The following KCNQ3 variants were observed in gnomAD, a reference collection of about 807,000 sequenced individuals.
KCNQ3 encodes potassium voltage-gated channel subfamily Q member 3.
KCNQ3 carries 30 observed loss-of-function variants against 92.5 expected under a neutral mutation model. The ratio of observed to expected loss-of-function variants is 0.32; its 90% confidence interval spans 0.24 to 0.44. KCNQ3 has a LOEUF of 0.44. KCNQ3 is among the 20% of genes least tolerant of loss of function. The pLI, the probability that KCNQ3 is intolerant of heterozygous loss-of-function variation, is 1.00. For synonymous variants in KCNQ3, 450 were observed against 468.8 expected (o/e 0.96, Z 0.52); for missense variants, 913 against 1,140.3 (o/e 0.80, Z 2.87).
chr8:132,280,794 G>A (rs778316256), intron 1 of KCNQ3, among the ~76,000 whole-genome samples: 16 of 152,180 alleles, frequency 1.1e-4, no homozygotes, highest in Non-Finnish European at 1.6e-4. Flanking sequence ...GTTCAAGGAC[G>A]AATGTGATTT....
At chr8:132,139,709 GA>G (rs1825221911) in intron 11 of KCNQ3, among the ~76,000 whole-genome samples, 1 of 152,144 alleles carries the variant, frequency 6.6e-6, no homozygotes, top group Non-Finnish European at 1.5e-5. Flanking sequence ...TTAGGCAGAA[GA>G]AAAACCATTT....
chr8:132,335,791 T>G (rs558382476), intron 1 of KCNQ3, among the ~76,000 whole-genome samples: 288 of 152,288 alleles, frequency 1.9e-3, no homozygotes, highest in East Asian at 0.019. Flanking sequence ...AGAAGCAAAG[T>G]TGGGGAAAAG....
intron 1 of KCNQ3, among the ~76,000 whole-genome samples, chr8:132,328,670 G>A (rs895069219): frequency 2.0e-5 from 3 of 152,128 alleles, no homozygotes; most frequent in Admixed American, 2.0e-4. Flanking sequence ...ACAGTGCCTA[G>A]TACAGAGTAA....
intron 1 of KCNQ3, among the ~76,000 whole-genome samples, chr8:132,225,355 C>T (rs554491819): frequency 1.3e-5 from 2 of 152,220 alleles, no homozygotes; most frequent in East Asian, 1.9e-4. Context: ...TCACTGGAAT[C>T]ATTTTTAGGG....
intron 1 of KCNQ3, among the ~76,000 whole-genome samples, chr8:132,211,080 T>C (rs1813837501): frequency 6.6e-6 from 1 of 152,244 alleles, no homozygotes; most frequent in African/African-American, 2.4e-5. Context: ...GTCTTCCATG[T>C]ACTCCTTGAG....
At chr8:132,447,081 C>T (rs1821697984) in intron 1 of KCNQ3, 3 of 863,184 alleles carry the variant, frequency 3.5e-6, no homozygotes, top group Non-Finnish European at 5.5e-6. Context: ...GGGTGAGTCA[C>T]ATCAGACTTG....
chr8:132,475,782 G>A (rs913199715), intron 1 of KCNQ3, among the ~76,000 whole-genome samples: 3 of 152,222 alleles, frequency 2.0e-5, no homozygotes, highest in Non-Finnish European at 4.4e-5. Context: ...TTCTGCGGAG[G>A]AATTCAAGCC....
chr8:132,179,319 C>A (rs1326087628), intron 4 of KCNQ3, among the ~76,000 whole-genome samples: 1 of 151,948 alleles, frequency 6.6e-6, no homozygotes, highest in Non-Finnish European at 1.5e-5. Context: ...GAGTTCCATC[C>A]CTCCTGGATT....
chr8:132,322,199 A>C (rs1355678356), intron 1 of KCNQ3, among the ~76,000 whole-genome samples: 1 of 152,182 alleles, frequency 6.6e-6, no homozygotes, highest in African/African-American at 2.4e-5. Context: ...AGGCCAATTA[A>C]CCAGTTTGAA....
chr8:132,469,228 G>A (rs1822246842), intron 1 of KCNQ3, among the ~76,000 whole-genome samples: 1 of 152,240 alleles, frequency 6.6e-6, no homozygotes, highest in Non-Finnish European at 1.5e-5. Flanking sequence ...AGGATCAGGT[G>A]ATGCAACATA....
Position 132,461,380 on chromosome 8 carries a change from G to A in KCNQ3, c.386+18767C>T, listed in dbSNP as rs202114352. Among the ~76,000 whole-genome samples the A allele has an allele frequency of 4.6e-5, 7 of 152,112 alleles. No homozygotes were observed. The East Asian group carries it at 9.7e-4, about 21-fold the overall frequency. ...GGAGTTCGAGACCGGCCTGGCCAACGTGGTGAAACCCCGTCTCCACTAAAA... is the reference window on the plus strand; with the variant it reads ...GGAGTTCGAGACCGGCCTGGCCAACATGGTGAAACCCCGTCTCCACTAAAA... On this transcript the variant is annotated intron_variant, in intron 1 of 14. Transcript: ENST00000388996.
At position 132,480,561 on chromosome 8, in the gene KCNQ3, T is replaced by G; in HGVS notation, c.-29A>C. ...CCTCGCCCCCGCCGGCCGCTTCGCC[T>G]TCTCCGCTGCTGCTCTGGGAAGAAG... On this transcript the variant is annotated 5_prime_UTR_variant, in exon 1 of 15. Coordinates refer to ENST00000388996, the MANE Select transcript of KCNQ3 (RefSeq NM_004519.4). 1 of 1,251,308 alleles carries G rather than the reference T, an allele frequency of 8.0e-7. No individual in the cohort carries two copies. The highest frequency in any genetic ancestry group is 6.4e-5 in the East Asian group (1 of 15,594). 77.5% of individuals were successfully genotyped at this position (1,251,308 alleles called of 1,614,324 possible).
Position 132,170,244 on chromosome 8 carries a change from T to C in KCNQ3, c.1235+90A>G, listed in dbSNP as rs1172706660. 9 of 921,976 alleles carry C rather than the reference T, an allele frequency of 9.8e-6. No homozygotes were observed. In the East Asian group the frequency reaches 1.9e-4, roughly 20 times the overall value. The allele number at this position is 921,976 out of a possible 1,614,324, so 57.1% of individuals were successfully genotyped here. On this transcript the variant is annotated intron_variant, in intron 8 of 14. Coordinates refer to ENST00000388996, the MANE Select transcript of KCNQ3 (RefSeq NM_004519.4). Reference sequence around the variant, plus strand: ...GGGAACATTGCCCTGAAGAGTGTTCTCCAGGGACCCGTGAGGCCACAGACA... The same window carrying C: ...GGGAACATTGCCCTGAAGAGTGTTCCCCAGGGACCCGTGAGGCCACAGACA...
chr8:132,172,165 A>AAG (rs1264529165), intron 7 of KCNQ3, among the ~76,000 whole-genome samples: 2 of 151,996 alleles, frequency 1.3e-5, no homozygotes, highest in Non-Finnish European at 2.9e-5. Context: ...CAGCCTGGAC[A>AAG]AGAGAGTCTC....
intron 1 of KCNQ3, among the ~76,000 whole-genome samples, chr8:132,403,714 C>T (rs778445918): frequency 4.9e-4 from 75 of 152,202 alleles, no homozygotes; most frequent in Non-Finnish European, 9.6e-4. Flanking sequence ...CCAGGAGCTT[C>T]CTCTGGCACA....
intron 1 of KCNQ3, among the ~76,000 whole-genome samples, chr8:132,461,080 T>A (rs1485804574): frequency 6.6e-6 from 1 of 152,222 alleles, no homozygotes; most frequent in Non-Finnish European, 1.5e-5. Context: ...TCTCATTTCT[T>A]TTTACCACCA....
chr8:132,147,040 A>G (rs1238388281), intron 9 of KCNQ3, among the ~76,000 whole-genome samples: 1 of 152,246 alleles, frequency 6.6e-6, no homozygotes, highest in African/African-American at 2.4e-5. Flanking sequence ...AAATTTAAAA[A>G]GAACACAATG....
At chr8:132,316,604 T>C (rs1031825391) in intron 1 of KCNQ3, among the ~76,000 whole-genome samples, 2 of 152,214 alleles carry the variant, frequency 1.3e-5, no homozygotes, top group African/African-American at 4.8e-5. Context: ...CACATATGCA[T>C]GGGATCATTG....
intron 1 of KCNQ3, among the ~76,000 whole-genome samples, chr8:132,204,173 C>T (rs994607445): frequency 3.3e-5 from 5 of 152,230 alleles, no homozygotes; most frequent in African/African-American, 9.6e-5. Flanking sequence ...TCTTTATAAT[C>T]AAGTCCTTGA....
Sources: gnomAD v4.1 joint callset for allele counts (sites outside exome capture counted in the v4.1 genomes callset) on GRCh38, gnomAD v4.1.1 for gene constraint, MANE v1.5 for transcripts, NCBI Gene and HGNC (gene_info 2026-07-23, HGNC 2026-07-21) for gene names.